Variants in PCDHA8 observed in about 807,000 individuals in gnomAD.
PCDHA8 encodes the protein protocadherin alpha 8, also known as protocadherin alpha-8.
Under a neutral mutation model 61.8 loss-of-function variants are expected in PCDHA8, and 53 were observed. That is an observed-to-expected ratio of 0.86 (90% CI 0.69 to 1.08). PCDHA8 has a LOEUF of 1.08. Ranked by LOEUF, PCDHA8 falls within the 50% of genes least tolerant of loss-of-function variation. The probability of loss-of-function intolerance (pLI) is 0.00; values close to 1 mark genes in which losing one functional copy is unlikely to be tolerated. For missense variants in PCDHA8, 1,293 were observed against 1,245.0 expected, an observed-to-expected ratio of 1.04 and a Z score of -0.58; for synonymous variants, 618 against 556.6, an observed-to-expected ratio of 1.11 and a Z score of -1.55.
At chr5:140,968,909 G>A (rs782304408) in intron 1 of PCDHA8, 7 of 1,614,172 alleles carry the variant, frequency 4.3e-6, no homozygotes, top group Non-Finnish European at 5.1e-6. Context: ...ATTAAGCACA[G>A]TGTCTTTTAT....
chr5:140,988,381 T>C (rs1554250091), intron 3 of PCDHA8, among the ~76,000 whole-genome samples: 3 of 152,158 alleles, frequency 2.0e-5, no homozygotes, highest in Admixed American at 6.5e-5. Flanking sequence ...GTGAAACTCA[T>C]TGTGTTTGCC....
intron 1 of PCDHA8, among the ~76,000 whole-genome samples, chr5:140,960,541 C>G (rs1200507322): frequency 6.6e-6 from 1 of 151,924 alleles, no homozygotes; most frequent in African/African-American, 2.4e-5. Context: ...GAAACTGTGG[C>G]CTTCATATAG....
At chr5:140,882,492 T>C (rs782572325) in intron 1 of PCDHA8, 1 of 1,614,090 alleles carries the variant, frequency 6.2e-7, no homozygotes, top group South Asian at 1.1e-5. Flanking sequence ...GGGGACCTTC[T>C]GGAGGTAAAT....
At chr5:140,883,244 G>C in intron 1 of PCDHA8, 3 of 1,614,014 alleles carry the variant, frequency 1.9e-6, no homozygotes, top group Non-Finnish European at 2.5e-6. Context: ...AGTTGACAAA[G>C]GAAATATTCC....
chr5:140,863,553 A>C, intron 1 of PCDHA8: 2 of 378,210 alleles, frequency 5.3e-6, no homozygotes, highest in South Asian at 4.1e-5. Context: ...TTCAATAGGA[A>C]ATTTTTGAGA....
chr5:140,951,546 G>A (rs962043182), intron 1 of PCDHA8, among the ~76,000 whole-genome samples: 9 of 151,942 alleles, frequency 5.9e-5, no homozygotes, highest in Non-Finnish European at 8.8e-5. Context: ...CAAGGGACGG[G>A]GGGAAGTGCT....
chr5:140,968,262 A>G, intron 1 of PCDHA8: 5 of 1,614,054 alleles, frequency 3.1e-6, no homozygotes, highest in Non-Finnish European at 4.2e-6. Flanking sequence ...CCAGATGAAA[A>G]GGAGAATGCA....
intron 1 of PCDHA8, among the ~76,000 whole-genome samples, chr5:140,954,934 T>A (rs1417357535): frequency 2.6e-5 from 4 of 152,208 alleles, no homozygotes; most frequent in African/African-American, 9.6e-5. Flanking sequence ...TTAATTAATC[T>A]TGAGTTAATT....
intron 3 of PCDHA8, among the ~76,000 whole-genome samples, chr5:140,985,542 C>T (rs2097157092): frequency 6.6e-6 from 1 of 152,106 alleles, no homozygotes; most frequent in African/African-American, 2.4e-5. Context: ...GGTGAAGATG[C>T]AGTTGCTTCC....
intron 1 of PCDHA8, chr5:140,854,159 C>CTAAAA (rs2043003709): frequency 3.1e-6 from 1 of 323,772 alleles, no homozygotes; most frequent in Admixed American, 1.0e-4. Context: ...GATTCTGTCT[C>CTAAAA]AAAAAAAAAA....
chr5:140,942,316 A>G (rs1197832358), intron 1 of PCDHA8, among the ~76,000 whole-genome samples: 1 of 152,100 alleles, frequency 6.6e-6, no homozygotes, highest in Non-Finnish European at 1.5e-5. Flanking sequence ...AGGTCGAGGC[A>G]CAAGAATCAC....
At chr5:140,877,277 G>A in intron 1 of PCDHA8, 1 of 1,613,830 alleles carries the variant, frequency 6.2e-7, no homozygotes, top group South Asian at 1.1e-5. Context: ...GCTGACTCCG[G>A]CTATAACGCT....
intron 1 of PCDHA8, among the ~76,000 whole-genome samples, chr5:140,892,861 G>A (rs1422724084): frequency 2.6e-5 from 4 of 152,100 alleles, no homozygotes; most frequent in African/African-American, 9.7e-5. Flanking sequence ...TTCCTCCTGT[G>A]TAGCTATAAT....
intron 1 of PCDHA8, among the ~76,000 whole-genome samples, chr5:140,951,147 AATATAGT>A (rs1554219760): frequency 9.9e-6 from 1 of 100,716 alleles, no homozygotes; most frequent in African/African-American, 4.8e-5. Flanking sequence ...TATCTTATTG[AATATAGT>A]TATAGTAGCT....
chr5:140,908,493 G>T (rs545927854), intron 1 of PCDHA8, among the ~76,000 whole-genome samples: 14 of 152,270 alleles, frequency 9.2e-5, no homozygotes, highest in African/African-American at 3.4e-4. Flanking sequence ...AGTTCAGGTT[G>T]CTTGGTGACT....
rs959323631 is a variant in PCDHA8 at position 140,967,718 on chromosome 5, C to A, written c.2395-11231C>A. The A allele has an allele frequency of 8.7e-6, 14 of 1,614,106 alleles. 1 individual carries two copies. The South Asian group carries it at 1.5e-4, about 18-fold the overall frequency. ...CATAGATGCCAGTACCGGGGAAGTG[C>A]GAGTAATTGGGGGGCTGGATTATGA... On this transcript the variant is annotated intron_variant, in intron 1 of 3. Transcript: ENST00000531613.
chr5:140,929,484 T>C, intron 1 of PCDHA8: 1 of 1,156,262 alleles, frequency 8.6e-7, no homozygotes, highest in Non-Finnish European at 1.2e-6. Context: ...AGTATAGAAG[T>C]ATTAGAAGAT....
intron 1 of PCDHA8, among the ~76,000 whole-genome samples, chr5:140,945,574 G>C (rs2153670366): frequency 6.6e-6 from 1 of 151,978 alleles, no homozygotes; most frequent in Middle Eastern, 3.4e-3. Context: ...ATACTACCTG[G>C]CTTCAAAATA....
chr5:140,943,276 AAG>A (rs1491082610), intron 1 of PCDHA8, among the ~76,000 whole-genome samples: 3,151 of 135,552 alleles, frequency 0.023, 213 homozygotes, highest in African/African-American at 0.087. Flanking sequence ...AAAAAAAAAA[AAG>A]AAAGAAAGAA....
Sources: gnomAD v4.1 joint callset for allele counts (sites outside exome capture counted in the v4.1 genomes callset) on GRCh38, gnomAD v4.1.1 for gene constraint, MANE v1.5 for transcripts, NCBI Gene and HGNC (gene_info 2026-07-23, HGNC 2026-07-21) for gene names.